ARHGEF33: variants seen among roughly 807,000 people sequenced by gnomAD.
ARHGEF33 encodes the protein DH and coiled-coil domain-containing protein ENSP00000381780.
Under a neutral mutation model 101.9 loss-of-function variants are expected in ARHGEF33, and 72 were observed. The observed-to-expected ratio is 0.71, with a 90% CI of 0.58 to 0.86. The LOEUF (loss-of-function observed/expected upper bound fraction) is 0.86, where lower values mean the gene tolerates loss of function less well. Ranked by LOEUF, ARHGEF33 falls within the 40% of genes least tolerant of loss-of-function variation. The probability of loss-of-function intolerance (pLI) is 0.00; values close to 1 mark genes in which losing one functional copy is unlikely to be tolerated. For missense variants in ARHGEF33, 1,169 were observed against 1,111.3 expected (o/e 1.05, Z -0.74); for synonymous variants, 499 against 442.5 (o/e 1.13, Z -1.60).
At chr2:38,892,476 C>T (rs985301413) in intron 1 of ARHGEF33, among the ~76,000 whole-genome samples, 3 of 152,044 alleles carry the variant, frequency 2.0e-5, no homozygotes, top group African/African-American at 2.4e-5. Context: ...CCATAACACC[C>T]GGGCAAAGGA....
chr2:38,918,122 A>G (rs1006592198), intron 2 of ARHGEF33, among the ~76,000 whole-genome samples: 2 of 152,204 alleles, frequency 1.3e-5, no homozygotes, highest in Non-Finnish European at 2.9e-5. Context: ...GAGGCTGGAG[A>G]ATCGAGTTTG....
At chr2:38,906,805 CAAAA>C (rs769713983) in intron 2 of ARHGEF33, among the ~76,000 whole-genome samples, 6 of 50,424 alleles carry the variant, frequency 1.2e-4, no homozygotes, top group Non-Finnish European at 1.7e-4. Flanking sequence ...CCTGTATCTA[CAAAA>C]AAAAAAAAAA....
chr2:38,934,701 T>A (rs990871858), intron 7 of ARHGEF33, among the ~76,000 whole-genome samples: 1 of 146,256 alleles, frequency 6.8e-6, no homozygotes, highest in Admixed American at 7.0e-5. Flanking sequence ...TCTCAGGCAC[T>A]GTTTTAGGTG....
chr2:38,973,739 A>G lies in ARHGEF33; in HGVS notation c.2509A>G (p.Lys837Glu). 2.6e-6 allele frequency: 4 copies of G among 1,543,696 alleles called. No homozygotes were observed. The highest frequency in any genetic ancestry group is 3.5e-6 in the Non-Finnish European group (4 of 1,143,646). Residue 837 changes from lysine (K) to glutamate (E), a missense_variant, in exon 18 of 18, where the codon AAA (lysine) becomes GAA (glutamate). Lys to Glu is a moderately conservative substitution (Grantham distance 56, BLOSUM62 1). Transcript: ENST00000409978. ...KKSSGSEYRE[K>E]TNENPSMDPS... The stretch of plus-strand genomic sequence containing the variant: ...GTCCAGTGGATCAGAATACAGGGAA[A>G]AAACTAATGAGAATCCCTCAATGGA...
At chr2:38,959,513 G>C (rs1056719397) in intron 15 of ARHGEF33, 22 of 248,432 alleles carry the variant, frequency 8.9e-5, no homozygotes, top group African/African-American at 4.9e-4. Flanking sequence ...GCAAGCAAGG[G>C]AGAGAAGAGA....
At chr2:38,910,298 T>C (rs1051945676) in intron 2 of ARHGEF33, among the ~76,000 whole-genome samples, 1 of 152,238 alleles carries the variant, frequency 6.6e-6, no homozygotes, top group Non-Finnish European at 1.5e-5. Flanking sequence ...CAGCCAAGTG[T>C]GGTGGCTCAT....
chr2:38,910,947 C>G (rs1666496271), intron 2 of ARHGEF33, among the ~76,000 whole-genome samples: 1 of 152,148 alleles, frequency 6.6e-6, no homozygotes, highest in African/African-American at 2.4e-5. Flanking sequence ...GAAGCGACTT[C>G]CAGTGTAACT....
chr2:38,914,775 C>A (rs1327200200), intron 2 of ARHGEF33, among the ~76,000 whole-genome samples: 1 of 151,768 alleles, frequency 6.6e-6, no homozygotes, highest in Non-Finnish European at 1.5e-5. Flanking sequence ...ATATATAAAC[C>A]TACAATAACA....
intron 2 of ARHGEF33, among the ~76,000 whole-genome samples, chr2:38,899,806 C>T (rs1308231793): frequency 6.6e-6 from 1 of 152,044 alleles, no homozygotes; most frequent in Non-Finnish European, 1.5e-5. Flanking sequence ...CATTGCACTA[C>T]ACTTTCTAAA....
chr2:38,903,569 G>T (rs1666298452), intron 2 of ARHGEF33, among the ~76,000 whole-genome samples: 1 of 152,164 alleles, frequency 6.6e-6, no homozygotes, highest in Non-Finnish European at 1.5e-5. Flanking sequence ...AAAGAAGTGG[G>T]CAAACACCAG....
At chr2:38,937,312 C>CGGGGGGGGGGGGGGGGGGGGCGGGGGGG in intron 8 of ARHGEF33, 23 bp from the exon 9 acceptor site, 1 of 583,332 alleles carries the variant, frequency 1.7e-6, no homozygotes, top group Non-Finnish European at 3.0e-6. Context: ...TTTGTTTCCC[C>CGGGGGGGGGGGGGGGGGGGGCGGGGGGG]GCCCCTCCCC....
intron 9 of ARHGEF33, among the ~76,000 whole-genome samples, chr2:38,942,278 C>T (rs902089152): frequency 6.7e-6 from 1 of 149,884 alleles, no homozygotes; most frequent in Non-Finnish European, 1.5e-5. Context: ...AACTATTCTC[C>T]TGCCTCAGCC....
chr2:38,973,997 A>T lies in ARHGEF33; in HGVS notation c.*154A>T. 2.3e-6 allele frequency: 1 copy of T among 435,504 alleles called. No individual in the cohort carries two copies. The highest frequency in any genetic ancestry group is 3.2e-6 in the Non-Finnish European group (1 of 310,102). The allele number at this position is 435,504 out of a possible 1,614,324, so 27.0% of individuals were successfully genotyped here. ...AACTAATATAAATACTTACATATGA[A>T]ACTAAACATACAAGACATTGAAGAG... On this transcript the variant is annotated 3_prime_UTR_variant, in exon 18 of 18. Coordinates refer to ENST00000409978, the MANE Select transcript of ARHGEF33 (RefSeq NM_001145451.5).
At chr2:38,902,854 A>G (rs1572739761) in intron 2 of ARHGEF33, among the ~76,000 whole-genome samples, 1 of 152,150 alleles carries the variant, frequency 6.6e-6, no homozygotes, top group African/African-American at 2.4e-5. Flanking sequence ...AGAAAAATAA[A>G]GCAGTGAAAG....
intron 4 of ARHGEF33, among the ~76,000 whole-genome samples, chr2:38,921,891 T>C (rs1666765940): frequency 6.6e-6 from 1 of 152,218 alleles, no homozygotes; most frequent in Non-Finnish European, 1.5e-5. Flanking sequence ...TTTCTTACTT[T>C]TCTATTTTAG....
At chr2:38,937,885 A>T (rs951268365) in intron 9 of ARHGEF33, among the ~76,000 whole-genome samples, 5 of 152,172 alleles carry the variant, frequency 3.3e-5, no homozygotes, top group African/African-American at 4.8e-5. Context: ...CAAGCCTTTC[A>T]TCAACAGTCT....
intron 9 of ARHGEF33, among the ~76,000 whole-genome samples, chr2:38,939,951 A>G (rs1024424562): frequency 6.6e-5 from 10 of 152,218 alleles, no homozygotes; most frequent in African/African-American, 2.4e-4. Flanking sequence ...ATTTAGGTCT[A>G]TGACTTATGG....
At chr2:38,963,684 C>T (rs927394577) in intron 16 of ARHGEF33, among the ~76,000 whole-genome samples, 5 of 152,154 alleles carry the variant, frequency 3.3e-5, no homozygotes, top group South Asian at 2.1e-4. Flanking sequence ...AAGCCCATTT[C>T]TCAAAATATG....
In ARHGEF33 at chr2:38,958,931, G is replaced by T. The variant is rs533933148; in HGVS notation, c.1535+733G>T. 3.3e-5 allele frequency among the ~76,000 whole-genome samples: 5 copies of T among 152,320 alleles called. No homozygotes were observed. The East Asian group carries it at 7.7e-4, about 23-fold the overall frequency. On this transcript the variant is annotated intron_variant, in intron 15 of 17. Coordinates refer to ENST00000409978, the MANE Select transcript of ARHGEF33 (RefSeq NM_001145451.5). ...GGCTAATTTTTGTACTTTTAGTAGAGACGGGGTTTTACCATGTTGGCCAGG... is the reference window on the plus strand; with the variant it reads ...GGCTAATTTTTGTACTTTTAGTAGATACGGGGTTTTACCATGTTGGCCAGG...
Sources: gnomAD v4.1 joint callset for allele counts (sites outside exome capture counted in the v4.1 genomes callset) on GRCh38, gnomAD v4.1.1 for gene constraint, MANE v1.5 for transcripts, NCBI Gene and HGNC (gene_info 2026-07-23, HGNC 2026-07-21) for gene names.